CCDC149: variants seen among roughly 807,000 people sequenced by gnomAD.
The protein encoded by CCDC149 is coiled-coil domain-containing protein 149.
CCDC149 carries 45 observed loss-of-function variants against 59.9 expected under a neutral mutation model. The ratio of observed to expected loss-of-function variants is 0.75; its 90% CI spans 0.59 to 0.96. The LOEUF (loss-of-function observed/expected upper bound fraction) is 0.96, where lower values mean the gene tolerates loss of function less well. Ranked by LOEUF, CCDC149 falls within the 40% of genes least tolerant of loss-of-function variation. The pLI is 0.00. For missense variants in CCDC149, 584 were observed against 664.7 expected (o/e 0.88, Z 1.33); for synonymous variants, 245 against 260.6 (o/e 0.94, Z 0.58).
chr4:24,889,851 A>G (rs1720426939), intron 1 of CCDC149, among the ~76,000 whole-genome samples: 1 of 152,086 alleles, frequency 6.6e-6, no homozygotes, highest in South Asian at 2.1e-4. Flanking sequence ...AAATACCCTA[A>G]CACCCCTATT....
intron 1 of CCDC149, among the ~76,000 whole-genome samples, chr4:24,880,570 C>T (rs1719777117): frequency 6.6e-6 from 1 of 152,122 alleles, no homozygotes; most frequent in Non-Finnish European, 1.5e-5. Context: ...TTAAAATGTC[C>T]CATTTTTTAT....
In CCDC149 at chr4:24,966,814, C is replaced by T. The variant is rs369341804; in HGVS notation, c.-65+13255G>A. Among the ~76,000 whole-genome samples the T allele has an allele frequency of 1.9e-3, 292 of 152,256 alleles. 7 individuals are homozygous for T. The South Asian group carries it at 0.048, about 25-fold the overall frequency. On this transcript the variant is annotated intron_variant, in intron 1 of 12. Transcript: ENST00000389609. ...GCTGCAGCCAGGTAGAAATGTAGAGCCTTTTCTGTTTGATTAGGGAACTGG... is the reference window on the plus strand; with the variant it reads ...GCTGCAGCCAGGTAGAAATGTAGAGTCTTTTCTGTTTGATTAGGGAACTGG...
At chr4:24,828,301 C>G (rs1047258862) in intron 9 of CCDC149, 1 of 149,688 alleles carries the variant, frequency 6.7e-6, no homozygotes. Flanking sequence ...GACAGTATAT[C>G]TATGTAAATA....
rs200346470 is a variant in CCDC149, at chr4:24,853,066, C to T, written c.372+6G>A. On this transcript the variant is annotated splice_donor_region_variant and intron_variant, in intron 4 of 12. Coordinates refer to ENST00000635206, the MANE Select transcript of CCDC149 (RefSeq NM_001330643.2). ...AGAGCTTCTTCCCTGTAAATACTCA[C>T]AGTACCTTGTTGTCGCCCTGGACTT... 5.7e-6 allele frequency: 9 copies of T among 1,580,258 alleles called. No individual in the cohort carries two copies. The highest frequency in any genetic ancestry group is 1.7e-4 in the Middle Eastern group (1 of 6,042).
chr4:24,881,077 A>C (rs1719814074), intron 1 of CCDC149, among the ~76,000 whole-genome samples: 1 of 152,196 alleles, frequency 6.6e-6, no homozygotes, highest in South Asian at 2.1e-4. Context: ...TGGCTCGATG[A>C]TTTCCAAAGA....
chr4:24,875,172 T>C (rs984607921), intron 2 of CCDC149, among the ~76,000 whole-genome samples: 2 of 151,744 alleles, frequency 1.3e-5, no homozygotes, highest in African/African-American at 4.8e-5. Context: ...CTACTAAAAA[T>C]ACAAAAAATT....
chr4:24,829,443 G>T (rs1296403991), intron 9 of CCDC149: 2 of 152,164 alleles, frequency 1.3e-5, no homozygotes, highest in Non-Finnish European at 2.9e-5. Flanking sequence ...AGATGGAGTG[G>T]GTCTGGGGTG....
At chr4:24,814,159 A>C (rs1714853523) in intron 12 of CCDC149, among the ~76,000 whole-genome samples, 1 of 152,224 alleles carries the variant, frequency 6.6e-6, no homozygotes, top group Non-Finnish European at 1.5e-5. Context: ...ACAGACAACT[A>C]TGTTTATTCT....
chr4:24,934,768 T>C (rs1722691838), intron 1 of CCDC149, among the ~76,000 whole-genome samples: 1 of 152,150 alleles, frequency 6.6e-6, no homozygotes, highest in African/African-American at 2.4e-5. Context: ...GACAAAGGCC[T>C]TGAGATAGAA....
intron 1 of CCDC149, among the ~76,000 whole-genome samples, chr4:24,920,837 A>G (rs978302982): frequency 1.3e-5 from 2 of 151,592 alleles, no homozygotes; most frequent in African/African-American, 4.8e-5. Flanking sequence ...CAATACCTGT[A>G]TTTTTTTTTA....
chr4:24,806,115 A>G (rs1050690809), downstream of CCDC149: 1 of 152,206 alleles, frequency 6.6e-6, no homozygotes, highest in Non-Finnish European at 1.5e-5. Flanking sequence ...GACAGCTGTA[A>G]GTAATTGCAG....
chr4:24,881,637 AAAG>A (rs1302813407), intron 1 of CCDC149, among the ~76,000 whole-genome samples: 4 of 152,242 alleles, frequency 2.6e-5, no homozygotes, highest in African/African-American at 9.6e-5. Flanking sequence ...GGTCTGCATC[AAAG>A]AATGGGACTG....
intron 12 of CCDC149, among the ~76,000 whole-genome samples, chr4:24,815,847 G>C (rs1330938891): frequency 6.6e-6 from 1 of 152,134 alleles, no homozygotes; most frequent in East Asian, 1.9e-4. Context: ...AGCAGTGGGT[G>C]CAGGGGGGTG....
rs1212041744 is a variant in CCDC149 at position 24,966,591 on chromosome 4, GAC to G, written c.-65+13476_-65+13477del. On this transcript the variant is annotated intron_variant, in intron 1 of 12. Coordinates refer to the CCDC149 transcript ENST00000389609. ...AGGAGAAAGGAGGGCCCCAACAAGT[GAC>G]ACACTCACAGATGTGGATAGATTTG... Among the ~76,000 whole-genome samples the G allele has an allele frequency of 4.6e-5, 7 of 152,178 alleles. No homozygotes were observed. In the East Asian group the frequency reaches 1.4e-3, roughly 29 times the overall value.
intron 2 of CCDC149, among the ~76,000 whole-genome samples, chr4:24,876,012 A>C (rs911556440): frequency 3.9e-5 from 6 of 152,112 alleles, no homozygotes; most frequent in Non-Finnish European, 4.4e-5. Context: ...TCGTGTGATG[A>C]AATCTTGCAC....
chr4:24,863,621 A>G (rs1577423620), intron 3 of CCDC149, among the ~76,000 whole-genome samples: 1 of 152,320 alleles, frequency 6.6e-6, no homozygotes, highest in East Asian at 1.9e-4. Context: ...AAAATAGTAG[A>G]CACTAGGAAT....
chr4:24,844,857 T>C (rs1341629658), intron 4 of CCDC149, among the ~76,000 whole-genome samples: 1 of 152,196 alleles, frequency 6.6e-6, no homozygotes, highest in Non-Finnish European at 1.5e-5. Flanking sequence ...AGGTAACACT[T>C]AGCACTAATG....
chr4:24,808,726 G>A lies in CCDC149; in HGVS notation c.1286C>T (p.Pro429Leu), dbSNP rs888866333. ...TTGGTTCCCGCGGCTCTGATTTGCT[G>A]GGGAGTTGACAGCGGGCCTCCCAGC... The change falls in exon 13 of 13, where the codon CCA becomes CTA. Residue 429 changes from proline (P) to leucine (L), a missense_variant. Coordinates refer to ENST00000635206, the MANE Select transcript of CCDC149 (RefSeq NM_001330643.2). The A allele has an allele frequency of 6.4e-7, 1 of 1,552,056 alleles. No individual in the cohort carries two copies. The highest frequency in any genetic ancestry group is 8.7e-7 in the Non-Finnish European group (1 of 1,147,110).
At chr4:24,908,031 C>G (rs1670416327) in intron 1 of CCDC149, among the ~76,000 whole-genome samples, 1 of 152,164 alleles carries the variant, frequency 6.6e-6, no homozygotes, top group Non-Finnish European at 1.5e-5. Context: ...GATAAGGACA[C>G]CAGGTCATTG....
Sources: gnomAD v4.1 joint callset for allele counts (sites outside exome capture counted in the v4.1 genomes callset) on GRCh38, gnomAD v4.1.1 for gene constraint, MANE v1.5 for transcripts, NCBI Gene and HGNC (gene_info 2026-07-23, HGNC 2026-07-21) for gene names.